The following NR1H4 variants were observed in gnomAD, a reference collection of about 807,000 sequenced individuals.
NR1H4 encodes the protein bile acid receptor.
NR1H4 carries 23 observed loss-of-function variants against 58.5 expected under a neutral mutation model. That is an observed-to-expected ratio of 0.39 (90% CI 0.28 to 0.56). The LOEUF is 0.56. Ranked by LOEUF, NR1H4 falls within the 20% of genes least tolerant of loss-of-function variation. The probability of loss-of-function intolerance (pLI) is 0.58; values close to 1 mark genes in which losing one functional copy is unlikely to be tolerated. For missense variants in NR1H4, 487 were observed against 576.9 expected (o/e 0.84, Z 1.60); for synonymous variants, 214 against 198.0 (o/e 1.08, Z -0.68).
At chr12:100,543,509 T>C (rs1393710403) in intron 9 of NR1H4, among the ~76,000 whole-genome samples, 1 of 152,014 alleles carries the variant, frequency 6.6e-6, no homozygotes, top group African/African-American at 2.4e-5. Context: ...CTTATCAACT[T>C]TTGAAAGACA....
intron 4 of NR1H4, among the ~76,000 whole-genome samples, chr12:100,517,613 T>G (rs1330995984): frequency 6.6e-6 from 1 of 152,198 alleles, no homozygotes. Flanking sequence ...ATCATACTGT[T>G]TTCCATTATG....
intron 9 of NR1H4, among the ~76,000 whole-genome samples, chr12:100,554,629 A>G (rs1269237287): frequency 2.0e-5 from 3 of 152,238 alleles, no homozygotes; most frequent in South Asian, 4.1e-4. Context: ...GAGCAGAAAC[A>G]TAACATTATT....
intron 8 of NR1H4, 144 bp from the exon 9 acceptor site, chr12:100,540,528 G>A: frequency 1.2e-6 from 1 of 815,422 alleles, no homozygotes; most frequent in Non-Finnish European, 2.0e-6. Context: ...CTATTTTATT[G>A]GCGAGTACAA....
chr12:100,543,942 G>A (rs1954997956), intron 9 of NR1H4, among the ~76,000 whole-genome samples: 1 of 152,154 alleles, frequency 6.6e-6, no homozygotes, highest in Non-Finnish European at 1.5e-5. Context: ...ATGGACTGTG[G>A]CGGTGCTCCC....
intron 4 of NR1H4, among the ~76,000 whole-genome samples, chr12:100,526,776 T>C (rs755717992): frequency 3.3e-5 from 5 of 152,156 alleles, no homozygotes; most frequent in Non-Finnish European, 7.3e-5. Flanking sequence ...GCTGGTTCAA[T>C]ACTCACAGAA....
At chr12:100,532,362 G>T in intron 4 of NR1H4, 96 bp from the exon 5 acceptor site, 2 of 1,212,674 alleles carry the variant, frequency 1.6e-6, no homozygotes, top group Non-Finnish European at 2.4e-6. Context: ...TCCAGCAGTT[G>T]GTGAGAAAAT....
chr12:100,503,531 C>A, intron 3 of NR1H4: 1 of 1,546,118 alleles, frequency 6.5e-7, no homozygotes, highest in South Asian at 1.2e-5. Flanking sequence ...TCAGGTCGAG[C>A]TCTTGCAACT....
intron 1 of NR1H4, among the ~76,000 whole-genome samples, chr12:100,485,383 C>A (rs1953469411): frequency 6.6e-6 from 1 of 152,138 alleles, no homozygotes; most frequent in Non-Finnish European, 1.5e-5. Flanking sequence ...CTGATCTCTG[C>A]AGTAGAGTAA....
intron 3 of NR1H4, chr12:100,499,719 T>G (rs370584987): frequency 2.5e-6 from 1 of 396,130 alleles, no homozygotes; most frequent in Non-Finnish European, 5.0e-6. Context: ...AGATTGACTA[T>G]AAAATCATAT....
intron 9 of NR1H4, among the ~76,000 whole-genome samples, chr12:100,544,470 A>G (rs574199588): frequency 1.3e-5 from 2 of 152,232 alleles, no homozygotes; most frequent in South Asian, 2.1e-4. Flanking sequence ...CTTATTAGCT[A>G]CATGTCCCAT....
chr12:100,556,516 A>C (rs1955332573), intron 9 of NR1H4, among the ~76,000 whole-genome samples: 1 of 152,106 alleles, frequency 6.6e-6, no homozygotes, highest in African/African-American at 2.4e-5. Context: ...TTAAAGTACA[A>C]AATAATTCAT....
intron 3 of NR1H4, chr12:100,503,326 A>G: frequency 1.9e-6 from 3 of 1,549,486 alleles, no homozygotes; most frequent in Non-Finnish European, 2.6e-6. Context: ...TAAACCACAC[A>G]ACCTCTGTCC....
At chr12:100,524,915 T>C (rs1266561229) in intron 4 of NR1H4, among the ~76,000 whole-genome samples, 1 of 152,136 alleles carries the variant, frequency 6.6e-6, no homozygotes, top group Non-Finnish European at 1.5e-5. Flanking sequence ...CTCTGCAGTT[T>C]TGAAGAGGGA....
chr12:100,542,754 TA>T (rs1954967468), intron 9 of NR1H4, among the ~76,000 whole-genome samples: 1 of 152,218 alleles, frequency 6.6e-6, no homozygotes, highest in African/African-American at 2.4e-5. Context: ...AAATTATTTT[TA>T]AAGGCAGTTT....
In NR1H4 at chr12:100,553,072, C is replaced by T. The variant is rs537618803; in HGVS notation, c.1079-8813C>T. Among the ~76,000 whole-genome samples the T allele has an allele frequency of 3.5e-3, 532 of 152,114 alleles. 6 individuals carry two copies. The highest frequency in any genetic ancestry group is 0.012 in the African/African-American group (494 of 41,500). ...AGAGTGCAGTGCAGCGATCTTAGCT[C>T]GCTGCAACCTCCGTCTCTCGGGTTC... On this transcript the variant is annotated intron_variant, in intron 9 of 10. Transcript: ENST00000392986.
chr12:100,544,826 A>T (rs981305096), intron 9 of NR1H4, among the ~76,000 whole-genome samples: 1 of 152,196 alleles, frequency 6.6e-6, no homozygotes, highest in Non-Finnish European at 1.5e-5. Flanking sequence ...TTGGTTAAAC[A>T]TTCTTCTAGA....
At position 100,510,935 on chromosome 12, in the gene NR1H4, G is replaced by C; in HGVS notation, c.237G>C (p.Glu79Asp). The C allele has an allele frequency of 6.2e-7, 1 of 1,614,212 alleles. No homozygotes were observed. Among genetic ancestry groups the C allele is most frequent in the Non-Finnish European group, 8.5e-7 (1 of 1,180,036 alleles). ...GTTTCTACCCCCAGCAGCCTGAAGA[G>C]TGGTACTCTCCTGGAATATATGAAC... ...NLGFYPQQPE[E>D]WYSPGIYELR... The change falls in exon 4 of 11, where the codon GAG becomes GAC. Residue 79 changes from glutamate to aspartate, a missense_variant. Coordinates refer to ENST00000392986, the MANE Select transcript of NR1H4 (RefSeq NM_001206979.2).
At chr12:100,501,696 T>G (rs927990796) in intron 3 of NR1H4, among the ~76,000 whole-genome samples, 1 of 152,240 alleles carries the variant, frequency 6.6e-6, no homozygotes, top group East Asian at 1.9e-4. Context: ...GCAATGATTA[T>G]TCCACTTGTA....
At chr12:100,552,920 T>TAA (rs397958763) in intron 9 of NR1H4, among the ~76,000 whole-genome samples, 4 of 109,088 alleles carry the variant, frequency 3.7e-5, no homozygotes, top group Non-Finnish European at 5.4e-5. Flanking sequence ...GATTCTGTCA[T>TAA]AAAAAAAAAA....
Sources: allele counts gnomAD v4.1 joint callset (sites outside exome capture counted in the v4.1 genomes callset), GRCh38; gene constraint gnomAD v4.1.1; transcripts MANE v1.5; gene names NCBI Gene and HGNC (gene_info 2026-07-23, HGNC 2026-07-21).